PREX1: variants seen among roughly 807,000 people sequenced by gnomAD.
The protein encoded by PREX1 is phosphatidylinositol 3,4,5-trisphosphate-dependent Rac exchanger 1 protein.
A neutral mutation model predicts 198.3 loss-of-function variants in PREX1; 41 were observed. The ratio of observed to expected loss-of-function variants is 0.21; its 90% CI spans 0.16 to 0.27. The LOEUF is 0.27. Ranked by LOEUF, PREX1 falls within the 10% of genes least tolerant of loss-of-function variation. The pLI is 1.00. For synonymous variants in PREX1, 843 were observed against 887.2 expected (o/e 0.95, Z 0.89); for missense variants, 1,620 against 2,200.7 (o/e 0.74, Z 5.28).
chr20:48,816,554 C>G (rs2090460107), intron 1 of PREX1, among the ~76,000 whole-genome samples: 1 of 152,152 alleles, frequency 6.6e-6, no homozygotes, highest in Non-Finnish European at 1.5e-5. Context: ...CACTTCTAGG[C>G]CCTTCCTAAA....
chr20:48,679,796 C>T, intron 11 of PREX1, 42 bp from the exon 12 acceptor site: 1 of 1,476,812 alleles, frequency 6.8e-7, no homozygotes, highest in Middle Eastern at 1.8e-4. Context: ...CACGCCCCCT[C>T]AGCCCCTCCC....
intron 18 of PREX1, among the ~76,000 whole-genome samples, chr20:48,656,739 T>C (rs2089546707): frequency 6.6e-6 from 1 of 152,200 alleles, no homozygotes; most frequent in African/African-American, 2.4e-5. Flanking sequence ...CTCAGTGTCT[T>C]ACTTCTGTAT....
At chr20:48,798,760 A>G (rs569418618) in intron 1 of PREX1, among the ~76,000 whole-genome samples, 1 of 152,258 alleles carries the variant, frequency 6.6e-6, no homozygotes, top group Admixed American at 6.5e-5. Flanking sequence ...TAGGTGCTCA[A>G]CAAAATTCAT....
intron 3 of PREX1, among the ~76,000 whole-genome samples, chr20:48,742,445 C>T (rs1032088775): frequency 1.2e-4 from 18 of 152,128 alleles, no homozygotes; most frequent in Non-Finnish European, 1.5e-4. Context: ...GTCATTCTCC[C>T]AGGATCCCAG....
In PREX1 at chr20:48,661,419, C is replaced by CAAAA. The variant is rs1168247790; in HGVS notation, c.1739-1362_1739-1359dup. ...GGGCAACAAGAGCAAAACTCCATCTCAAAAAAAAAAAAAAAAAAAAAAAAA... is the reference window on the plus strand; with the variant it reads ...GGGCAACAAGAGCAAAACTCCATCTCAAAAAAAAAAAAAAAAAAAAAAAAAAAAA... On this transcript the variant is annotated intron_variant, in intron 15 of 39. Coordinates refer to ENST00000371941, the MANE Select transcript of PREX1 (RefSeq NM_020820.4). Among the ~76,000 whole-genome samples the CAAAA allele has an allele frequency of 6.3e-3, 76 of 12,024 alleles. 11 individuals carry two copies. Among genetic ancestry groups the CAAAA allele is most frequent in the Middle Eastern group, 0.25 (2 of 8 alleles). 7.9% of individuals were successfully genotyped at this position (12,024 alleles called of 152,430 possible). A position where few individuals can be genotyped will look rare whatever the true frequency, so the allele number is the denominator to read the frequency against.
intron 7 of PREX1, among the ~76,000 whole-genome samples, chr20:48,693,504 G>A (rs1011563822): frequency 2.0e-5 from 3 of 152,232 alleles, no homozygotes; most frequent in African/African-American, 4.8e-5. Flanking sequence ...GCAGAAAGCA[G>A]GCCCTCGCCA....
intron 1 of PREX1, among the ~76,000 whole-genome samples, chr20:48,800,640 G>A (rs527806570): frequency 3.9e-5 from 6 of 152,204 alleles, no homozygotes; most frequent in South Asian, 2.1e-4. Flanking sequence ...CCTACGAGGC[G>A]TAAAAGGGAG....
At position 48,827,851 on chromosome 20, in the gene PREX1, G is replaced by C. The variant is rs1177232352; in HGVS notation, c.10C>G (p.Pro4Ala). The C allele has an allele frequency of 1.0e-6, 1 of 986,460 alleles. No individual in the cohort carries two copies. The highest frequency in any genetic ancestry group is 1.2e-6 in the Non-Finnish European group (1 of 832,018). 61.1% of individuals were successfully genotyped at this position (986,460 alleles called of 1,614,324 possible). A position where few individuals can be genotyped will look rare whatever the true frequency, so the allele number is the denominator to read the frequency against. ...TCGCCGCCGGGCTCGCTGCCGCTGGGCGCCTCCATTCTAGCGCGGCCGCGC... is the reference window on the plus strand; with the variant it reads ...TCGCCGCCGGGCTCGCTGCCGCTGGCCGCCTCCATTCTAGCGCGGCCGCGC... MEA[P>A]SGSEPGGDGA... The change falls in exon 1 of 40, where the codon CCC becomes GCC. Residue 4 changes from proline to alanine, a missense_variant. Physicochemically the swap from Pro to Ala is conservative, Grantham distance 27. This residue lies in a region of PREX1 where 96 missense variants were observed against 98.7 expected (regional missense o/e 0.97). Coordinates refer to ENST00000371941, the MANE Select transcript of PREX1 (RefSeq NM_020820.4). This position sits in a 1 kb window ranked among gnomAD's most constrained non-coding sequence, Gnocchi z 4.1.
chr20:48,678,081 A>T (rs904835895), intron 13 of PREX1, among the ~76,000 whole-genome samples: 1 of 152,100 alleles, frequency 6.6e-6, no homozygotes, highest in Non-Finnish European at 1.5e-5. Flanking sequence ...TGGGAGGCCA[A>T]GGCAGGCAGA....
intron 1 of PREX1, among the ~76,000 whole-genome samples, chr20:48,758,220 C>A (rs756183942): frequency 1.3e-5 from 2 of 152,228 alleles, no homozygotes; most frequent in Non-Finnish European, 2.9e-5. Flanking sequence ...CACCTCACAG[C>A]CACCCTCAGG....
At chr20:48,804,141 A>G (rs1373693849) in intron 1 of PREX1, among the ~76,000 whole-genome samples, 2 of 152,226 alleles carry the variant, frequency 1.3e-5, no homozygotes, top group East Asian at 1.9e-4. Flanking sequence ...AATACGTGAC[A>G]ACGACTGGAT....
intron 1 of PREX1, among the ~76,000 whole-genome samples, chr20:48,753,323 G>C (rs768254666): frequency 3.3e-5 from 5 of 152,308 alleles, no homozygotes; most frequent in East Asian, 1.9e-4. Flanking sequence ...ATTAGAACCA[G>C]GTCTCCCGAT....
At chr20:48,688,120 T>C (rs954918958) in intron 10 of PREX1, among the ~76,000 whole-genome samples, 2 of 152,034 alleles carry the variant, frequency 1.3e-5, no homozygotes, top group African/African-American at 4.8e-5. Context: ...GTGGGGGGCC[T>C]ACCTTTATTC....
upstream of PREX1, among the ~76,000 whole-genome samples, chr20:48,831,239 T>G (rs1042429631): frequency 1.3e-5 from 2 of 152,116 alleles, no homozygotes; most frequent in African/African-American, 4.8e-5. Context: ...AAACTTAAGC[T>G]CCCAGCAGGT....
intron 5 of PREX1, among the ~76,000 whole-genome samples, chr20:48,713,443 C>A (rs545017269): frequency 1.3e-5 from 2 of 152,042 alleles, no homozygotes; most frequent in South Asian, 4.1e-4. Flanking sequence ...CAGAGTGAGA[C>A]TCCATCATAA....
chr20:48,787,538 C>A (rs1207273866), intron 1 of PREX1, among the ~76,000 whole-genome samples: 2 of 151,778 alleles, frequency 1.3e-5, no homozygotes, highest in Non-Finnish European at 2.9e-5. Context: ...CATTTACTCT[C>A]TCTGCTGCTC....
intron 10 of PREX1, among the ~76,000 whole-genome samples, chr20:48,685,469 T>C (rs1195184756): frequency 2.0e-5 from 3 of 152,250 alleles, no homozygotes; most frequent in East Asian, 1.9e-4. Context: ...TCTCTCACTG[T>C]ATCCTCCGAC....
chr20:48,661,444 A>AAAAAAAAAT (rs1555832820), intron 15 of PREX1, among the ~76,000 whole-genome samples: 17 of 49,590 alleles, frequency 3.4e-4, no homozygotes, highest in Non-Finnish European at 5.3e-4. Flanking sequence ...AAAAAAAAAA[A>AAAAAAAAAT]ATATATATAT....
intron 11 of PREX1, 51 bp downstream of exon 11, chr20:48,681,184 G>T (rs755588428): frequency 6.7e-7 from 1 of 1,482,984 alleles, no homozygotes; most frequent in Non-Finnish European, 9.4e-7. Context: ...CACAGTTGGG[G>T]TCTGACCTGT....
Sources: allele counts gnomAD v4.1 joint callset (sites outside exome capture counted in the v4.1 genomes callset), GRCh38; gene constraint gnomAD v4.1.1; regional missense constraint gnomAD v4.1.1; non-coding constraint Gnocchi (gnomAD v3.1); transcripts MANE v1.5; gene names NCBI Gene and HGNC (gene_info 2026-07-23, HGNC 2026-07-21).